The following DLG2 variants were observed in gnomAD, a reference collection of about 807,000 sequenced individuals.
The protein encoded by DLG2 is discs large MAGUK scaffold protein 2.
DLG2 carries 45 observed loss-of-function variants against 132.5 expected under a neutral mutation model. The ratio of observed to expected loss-of-function variants is 0.34; its 90% confidence interval spans 0.27 to 0.44. DLG2 has a LOEUF of 0.44. Ranked by LOEUF, DLG2 falls within the 20% of genes least tolerant of loss-of-function variation. DLG2 has a pLI of 1.00. For missense variants in DLG2, 1,045 were observed against 1,196.9 expected (o/e 0.87, Z 1.87); for synonymous variants, 424 against 419.6 (o/e 1.01, Z -0.13).
intron 3 of DLG2, among the ~76,000 whole-genome samples, chr11:85,545,453 T>C (rs1469069057): frequency 6.6e-6 from 1 of 152,186 alleles, no homozygotes; most frequent in Non-Finnish European, 1.5e-5. Context: ...AATTTTCTTT[T>C]TTTGTTGTGT....
At chr11:83,813,776 G>T (rs558538771) in intron 17 of DLG2, among the ~76,000 whole-genome samples, 6 of 152,056 alleles carry the variant, frequency 3.9e-5, no homozygotes, top group Non-Finnish European at 7.4e-5. Flanking sequence ...AACAACAGCA[G>T]CAGCAGCAAC....
intron 11 of DLG2, among the ~76,000 whole-genome samples, chr11:84,023,338 CA>C (rs573260963): frequency 1.8e-4 from 28 of 152,214 alleles, no homozygotes; most frequent in African/African-American, 6.0e-4. Context: ...GCAATAAAGA[CA>C]AACATTGAGC....
chr11:83,669,324 T>G (rs2076423163), intron 18 of DLG2, among the ~76,000 whole-genome samples: 1 of 152,196 alleles, frequency 6.6e-6, no homozygotes, highest in Non-Finnish European at 1.5e-5. Context: ...AAATTGATAC[T>G]GAGTATGTTT....
chr11:84,439,155 G>C (rs1020997147), intron 7 of DLG2, among the ~76,000 whole-genome samples: 1 of 152,136 alleles, frequency 6.6e-6, no homozygotes, highest in East Asian at 1.9e-4. Context: ...TTTAATCTAC[G>C]TTTATTCAAG....
chr11:85,070,610 A>T (rs1332848037), intron 6 of DLG2, among the ~76,000 whole-genome samples: 1 of 151,858 alleles, frequency 6.6e-6, no homozygotes, highest in East Asian at 1.9e-4. Context: ...CACTAAACCA[A>T]AAAGTAAGTC....
At chr11:85,381,853 TAAAC>T (rs2085919792) in intron 3 of DLG2, among the ~76,000 whole-genome samples, 1 of 152,080 alleles carries the variant, frequency 6.6e-6, no homozygotes. Flanking sequence ...AAGATATAGA[TAAAC>T]AGACATTCCA....
chr11:83,774,755 T>C (rs986141431), intron 18 of DLG2, among the ~76,000 whole-genome samples: 4 of 152,182 alleles, frequency 2.6e-5, no homozygotes, highest in African/African-American at 9.7e-5. Flanking sequence ...TTACACTAGC[T>C]GTCATTTACG....
At chr11:84,833,021 A>G (rs553705957) in intron 6 of DLG2, among the ~76,000 whole-genome samples, 1 of 151,114 alleles carries the variant, frequency 6.6e-6, no homozygotes, top group South Asian at 2.1e-4. Flanking sequence ...ATGTTGGACT[A>G]TGATTTTTAA....
intron 9 of DLG2, among the ~76,000 whole-genome samples, chr11:84,128,857 T>C (rs1365525329): frequency 3.3e-5 from 5 of 152,148 alleles, no homozygotes; most frequent in Non-Finnish European, 7.3e-5. Flanking sequence ...GTTTTAAAAG[T>C]ACTTCCTCCA....
intron 3 of DLG2, among the ~76,000 whole-genome samples, chr11:85,393,652 T>TGC (rs2087011868): frequency 1.3e-5 from 2 of 151,702 alleles, no homozygotes; most frequent in South Asian, 4.2e-4. Context: ...TGTGTGTGTG[T>TGC]GTGTGTGTGT....
chr11:84,416,866 T>C (rs1280005483), intron 7 of DLG2, among the ~76,000 whole-genome samples: 2 of 152,166 alleles, frequency 1.3e-5, no homozygotes, highest in East Asian at 3.8e-4. Context: ...ATAACAGAAA[T>C]AATGGAATGA....
intron 9 of DLG2, among the ~76,000 whole-genome samples, chr11:84,104,019 T>G (rs182495913): frequency 6.6e-6 from 1 of 152,148 alleles, no homozygotes; most frequent in Non-Finnish European, 1.5e-5. Flanking sequence ...CAAGGTTTGT[T>G]GCATTATTTT....
At chr11:85,548,377 G>A (rs2076459623) in intron 3 of DLG2, among the ~76,000 whole-genome samples, 1 of 152,188 alleles carries the variant, frequency 6.6e-6, no homozygotes, top group Non-Finnish European at 1.5e-5. Context: ...TCCCAGAGGG[G>A]CACCCGCCAG....
chr11:85,603,842 A>C (rs1160708144), intron 2 of DLG2, among the ~76,000 whole-genome samples: 1 of 152,154 alleles, frequency 6.6e-6, no homozygotes, highest in African/African-American at 2.4e-5. Context: ...ATTTAAGCCC[A>C]GGAGTTCGAG....
intron 6 of DLG2, among the ~76,000 whole-genome samples, chr11:85,068,093 A>C (rs1254812592): frequency 2.0e-5 from 3 of 152,146 alleles, no homozygotes; most frequent in Non-Finnish European, 4.4e-5. Flanking sequence ...CTTTGACAAA[A>C]TTCAACAGCC....
intron 20 of DLG2, among the ~76,000 whole-genome samples, chr11:83,536,250 A>G (rs1170873228): frequency 6.6e-6 from 1 of 152,238 alleles, no homozygotes; most frequent in Non-Finnish European, 1.5e-5. Context: ...GCATACCACA[A>G]GAAGTTGACC....
intron 18 of DLG2, among the ~76,000 whole-genome samples, chr11:83,707,964 T>C (rs1259987790): frequency 6.6e-6 from 1 of 152,216 alleles, no homozygotes; most frequent in East Asian, 1.9e-4. Context: ...TTATATGATC[T>C]TGAGTGAACT....
At chr11:85,529,571 G>A (rs1160416461) in intron 3 of DLG2, among the ~76,000 whole-genome samples, 2 of 151,840 alleles carry the variant, frequency 1.3e-5, no homozygotes, top group African/African-American at 4.8e-5. Flanking sequence ...GTTCCCCTTA[G>A]TTCTAGTATT....
chr11:83,979,753 G>A (rs1288091863), intron 12 of DLG2, among the ~76,000 whole-genome samples: 1 of 152,140 alleles, frequency 6.6e-6, no homozygotes, highest in African/African-American at 2.4e-5. Context: ...CAGGAGCTGT[G>A]TCTATACTGG....
Sources: allele counts gnomAD v4.1 joint callset (sites outside exome capture counted in the v4.1 genomes callset), GRCh38; gene constraint gnomAD v4.1.1; transcripts MANE v1.5; gene names NCBI Gene and HGNC (gene_info 2026-07-23, HGNC 2026-07-21).